The following USP15 variants were observed in gnomAD, a reference collection of about 807,000 sequenced individuals.
USP15 encodes the protein ubiquitin carboxyl-terminal hydrolase 15.
USP15 carries 18 observed loss-of-function variants against 127.1 expected under a neutral mutation model. The ratio of observed to expected loss-of-function variants is 0.14; its 90% CI spans 0.10 to 0.21. USP15 has a LOEUF of 0.21. Among genes scored for constraint, USP15 ranks in the 10% least tolerant of loss-of-function variants. The pLI, the probability that USP15 is intolerant of heterozygous loss-of-function variation, is 1.00. For missense variants in USP15, 805 were observed against 1,159.9 expected, an observed-to-expected ratio of 0.69 and a Z score of 4.44; for synonymous variants, 364 against 393.7, an observed-to-expected ratio of 0.92 and a Z score of 0.89.
At chr12:62,283,474 C>T (rs531062722) in intron 1 of USP15, among the ~76,000 whole-genome samples, 24 of 152,108 alleles carry the variant, frequency 1.6e-4, no homozygotes, top group Admixed American at 1.4e-3. Context: ...TTTAGGAGCC[C>T]TAGCCAAGAA....
At chr12:62,363,372 T>TA (rs2137485261) in intron 8 of USP15, among the ~76,000 whole-genome samples, 1 of 152,262 alleles carries the variant, frequency 6.6e-6, no homozygotes, top group Admixed American at 6.5e-5. Context: ...TCCTATCACT[T>TA]ACCTCCATGC....
intron 4 of USP15, 112 bp from the exon 5 acceptor site, chr12:62,321,352 T>A (rs1230987387): frequency 1.6e-6 from 1 of 616,288 alleles, no homozygotes; most frequent in Non-Finnish European, 2.5e-6. Flanking sequence ...ACATATTTAG[T>A]CTTGATTTTC....
chr12:62,317,608 G>A (rs972307959), intron 4 of USP15, among the ~76,000 whole-genome samples: 4 of 152,046 alleles, frequency 2.6e-5, no homozygotes, highest in Non-Finnish European at 5.9e-5. Flanking sequence ...TTTCCCTTAT[G>A]GTCTTTTAAG....
At chr12:62,291,001 T>C (rs1306394099) in intron 1 of USP15, among the ~76,000 whole-genome samples, 1 of 152,144 alleles carries the variant, frequency 6.6e-6, no homozygotes, top group East Asian at 1.9e-4. Flanking sequence ...TCTGATGGAG[T>C]TTCCTTTGTA....
intron 1 of USP15, among the ~76,000 whole-genome samples, chr12:62,283,064 G>C (rs998388192): frequency 1.3e-5 from 2 of 152,070 alleles, no homozygotes; most frequent in African/African-American, 4.8e-5. Flanking sequence ...GGAAAAATCA[G>C]TAACTAAGAA....
At position 62,411,886 on chromosome 12, in the gene USP15, C is replaced by G. The variant is rs1296536607; in HGVS notation, c.*7511C>G. On this transcript the variant is annotated 3_prime_UTR_variant, in exon 22 of 22. Transcript: ENST00000280377. ...GAGGCATCTCTTTTTTATAAGGGCA[C>G]TAATCCCGTCATGAAGCCCTCACCC... 2 of 152,104 alleles carry G rather than the reference C, an allele frequency of 1.3e-5. No individual in the cohort carries two copies. The highest frequency in any genetic ancestry group is 2.9e-5 in the Non-Finnish European group (2 of 68,066). 9.4% of individuals were successfully genotyped at this position (152,104 alleles called of 1,614,324 possible). A position where few individuals can be genotyped will look rare whatever the true frequency, so the allele number is the denominator to read the frequency against.
In USP15 at chr12:62,294,260, T is replaced by A. The variant is rs773260624; in HGVS notation, c.171T>A (p.Asp57Glu). ...FDSWDKYQMG[D>E]QNVYPGPIDN... ...GTTGGGACAAATACCAGATGGGAGA[T>A]CAAAATGTGTATCCTGGACCCATTG... The change falls in exon 2 of 22, where the codon GAT (aspartate) becomes GAA (glutamate). Residue 57 changes from aspartate (D) to glutamate (E), a missense_variant. Transcript: ENST00000280377. 5 of 1,613,632 alleles carry A rather than the reference T, an allele frequency of 3.1e-6. No individual in the cohort carries two copies. The highest frequency in any genetic ancestry group is 4.2e-6 in the Non-Finnish European group (5 of 1,179,766).
At chr12:62,367,451 T>C (rs1311528814) in intron 8 of USP15, among the ~76,000 whole-genome samples, 1 of 152,066 alleles carries the variant, frequency 6.6e-6, no homozygotes, top group Non-Finnish European at 1.5e-5. Context: ...ATGGTCTCGA[T>C]CTCCTGACCT....
At chr12:62,375,866 A>T (rs554613830) in intron 8 of USP15, among the ~76,000 whole-genome samples, 31 of 152,292 alleles carry the variant, frequency 2.0e-4, no homozygotes, top group Admixed American at 6.5e-4. Context: ...ATTTCTCACT[A>T]AATAATTGTC....
intron 8 of USP15, among the ~76,000 whole-genome samples, chr12:62,359,451 G>A (rs1477502837): frequency 2.0e-5 from 3 of 152,082 alleles, no homozygotes; most frequent in African/African-American, 7.2e-5. Flanking sequence ...AGGGTTACGT[G>A]AGTTGATGGT....
intron 1 of USP15, among the ~76,000 whole-genome samples, chr12:62,272,343 T>C (rs7975633): frequency 0.4 from 60,261 of 151,720 alleles, 12,510 homozygotes; most frequent in East Asian, 0.55. Context: ...GCCTACTCTG[T>C]AAAGAGGCAG....
intron 8 of USP15, among the ~76,000 whole-genome samples, chr12:62,377,844 GC>G (rs2066877915): frequency 6.6e-6 from 1 of 151,494 alleles, no homozygotes; most frequent in African/African-American, 2.4e-5. Flanking sequence ...TTCCATTTAT[GC>G]CTTGAAATTT....
In USP15 at chr12:62,396,204, ATATG is replaced by A. The variant is rs948211761; in HGVS notation, c.2571-85_2571-82del. 201 of 794,496 alleles carry A rather than the reference ATATG, an allele frequency of 2.5e-4. No homozygotes were observed. In the African/African-American group the frequency reaches 3.0e-3, roughly 12 times the overall value. 49.2% of individuals were successfully genotyped at this position (794,496 alleles called of 1,614,324 possible). Reference sequence around the variant, plus strand: ...TATAGATGGATAGATATAGATATATATATGTATGTCAAACAACAATGGCAGAAGG... The same window carrying A: ...TATAGATGGATAGATATAGATATATATATGTCAAACAACAATGGCAGAAGG... On this transcript the variant is annotated intron_variant, in intron 19 of 21. Coordinates refer to ENST00000280377, the MANE Select transcript of USP15 (RefSeq NM_001252078.2).
chr12:62,263,060 A>G (rs1356448064), intron 1 of USP15, among the ~76,000 whole-genome samples: 6 of 152,210 alleles, frequency 3.9e-5, no homozygotes, highest in Admixed American at 3.9e-4. Context: ...TTGATTCAGA[A>G]TTTTAAAGAG....
At chr12:62,363,698 C>A (rs2066386562) in intron 8 of USP15, among the ~76,000 whole-genome samples, 1 of 151,936 alleles carries the variant, frequency 6.6e-6, no homozygotes, top group Non-Finnish European at 1.5e-5. Context: ...CCACCCCGTG[C>A]TCTCTCTCTC....
chr12:62,377,458 G>A (rs1185077096), intron 8 of USP15, among the ~76,000 whole-genome samples: 2 of 152,198 alleles, frequency 1.3e-5, no homozygotes, highest in Non-Finnish European at 2.9e-5. Context: ...GGTGGCTCAC[G>A]CCTGTAATCC....
At chr12:62,335,434 A>T in intron 6 of USP15, 1 of 1,374,458 alleles carries the variant, frequency 7.3e-7, no homozygotes, top group East Asian at 2.7e-5. Flanking sequence ...GACCACATCC[A>T]TCCTTAGCTC....
chr12:62,371,965 C>G (rs556358157), intron 8 of USP15, among the ~76,000 whole-genome samples: 2 of 152,110 alleles, frequency 1.3e-5, no homozygotes, highest in South Asian at 4.1e-4. Context: ...CAGGAGATAA[C>G]GCTTACTAAA....
At chr12:62,279,416 T>C (rs2063587332) in intron 1 of USP15, among the ~76,000 whole-genome samples, 1 of 152,216 alleles carries the variant, frequency 6.6e-6, no homozygotes, top group Non-Finnish European at 1.5e-5. Flanking sequence ...TCTTGGCTAT[T>C]GTGAATAATG....
Sources: allele counts gnomAD v4.1 joint callset (sites outside exome capture counted in the v4.1 genomes callset), GRCh38; gene constraint gnomAD v4.1.1; transcripts MANE v1.5; gene names NCBI Gene and HGNC (gene_info 2026-07-23, HGNC 2026-07-21).